Variants in PDE4B observed in about 807,000 individuals in gnomAD.
PDE4B encodes 3',5'-cyclic-AMP phosphodiesterase 4B.
In PDE4B, 20 loss-of-function variants were observed where a neutral mutation model predicts 82.2. The ratio of observed to expected loss-of-function variants is 0.24; its 90% CI spans 0.17 to 0.35. The LOEUF (loss-of-function observed/expected upper bound fraction) is 0.35, where lower values mean the gene tolerates loss of function less well. PDE4B is among the 10% of genes least tolerant of loss of function. The probability of loss-of-function intolerance (pLI) is 1.00; values close to 1 mark genes in which losing one functional copy is unlikely to be tolerated. For missense variants in PDE4B, 655 were observed against 907.2 expected (o/e 0.72, Z 3.57); for synonymous variants, 320 against 318.9 (o/e 1.00, Z -0.04).
At chr1:65,999,314 G>GA (rs533225665) in intron 3 of PDE4B, among the ~76,000 whole-genome samples, 11 of 152,066 alleles carry the variant, frequency 7.2e-5, no homozygotes, top group Non-Finnish European at 1.5e-4. Context: ...CGATTTCTTA[G>GA]AAAAAAATCT....
chr1:66,257,338 C>T (rs368206376), intron 4 of PDE4B: 54 of 447,372 alleles, frequency 1.2e-4, no homozygotes, highest in Non-Finnish European at 2.1e-4. Flanking sequence ...ATCCACAAGT[C>T]GCTTTGAATT....
intron 3 of PDE4B, among the ~76,000 whole-genome samples, chr1:66,018,318 G>A (rs574454246): frequency 5.4e-4 from 82 of 152,294 alleles, no homozygotes; most frequent in African/African-American, 1.9e-3. Flanking sequence ...TAGTCGGGAG[G>A]CTGAGGTAGG....
intron 6 of PDE4B, among the ~76,000 whole-genome samples, chr1:66,265,068 A>G (rs927823529): frequency 6.6e-6 from 1 of 152,224 alleles, no homozygotes; most frequent in Non-Finnish European, 1.5e-5. Flanking sequence ...CCTTAATGCC[A>G]GTGTTTCTGA....
intron 3 of PDE4B, among the ~76,000 whole-genome samples, chr1:66,006,069 C>T (rs1055443508): frequency 3.3e-5 from 5 of 152,094 alleles, no homozygotes; most frequent in Admixed American, 6.6e-5. Flanking sequence ...AAGTTTTATG[C>T]GTATCAGATT....
In PDE4B at chr1:66,334,186, C is replaced by T. The variant is rs149420309; in HGVS notation, c.747+1566C>T. ...TATGGGGTAGTTTTTCAACAGCTTT[C>T]ACCATAGAGAACATGGCAAACTTCA... On this transcript the variant is annotated intron_variant, in intron 8 of 16. Transcript: ENST00000341517. Among the ~76,000 whole-genome samples the T allele has an allele frequency of 2.6e-4, 39 of 152,268 alleles. No homozygotes were observed. In the East Asian group the frequency reaches 6.4e-3, roughly 25 times the overall value.
intron 3 of PDE4B, among the ~76,000 whole-genome samples, chr1:66,009,884 A>G (rs1652373390): frequency 6.6e-6 from 1 of 150,492 alleles, no homozygotes; most frequent in Non-Finnish European, 1.5e-5. Context: ...CATCTATTTC[A>G]TATCCATATG....
At chr1:66,083,564 G>A (rs193250577) in intron 3 of PDE4B, among the ~76,000 whole-genome samples, 57 of 152,204 alleles carry the variant, frequency 3.7e-4, no homozygotes, top group Middle Eastern at 6.8e-3. Flanking sequence ...TATTCTGAGA[G>A]GGTCAGGAAT....
intron 3 of PDE4B, among the ~76,000 whole-genome samples, chr1:66,018,839 C>T (rs993121274): frequency 2.0e-5 from 3 of 152,064 alleles, no homozygotes; most frequent in African/African-American, 7.2e-5. Context: ...GCAGATAATA[C>T]GTGTGTATTA....
At chr1:65,840,111 T>C (rs1646189942) in intron 1 of PDE4B, among the ~76,000 whole-genome samples, 2 of 152,188 alleles carry the variant, frequency 1.3e-5, no homozygotes, top group South Asian at 2.1e-4. Flanking sequence ...GAAAACTATA[T>C]TGTGGCATCT....
intron 3 of PDE4B, among the ~76,000 whole-genome samples, chr1:65,963,599 C>T (rs575499485): frequency 6.6e-6 from 1 of 152,300 alleles, no homozygotes; most frequent in Non-Finnish European, 1.5e-5. Context: ...AGCTTATCAT[C>T]CCCTGTCAAG....
At chr1:66,124,090 T>C (rs1311716358) in intron 3 of PDE4B, among the ~76,000 whole-genome samples, 1 of 152,226 alleles carries the variant, frequency 6.6e-6, no homozygotes. Flanking sequence ...TGTGGTGCCA[T>C]TAAGCATTTA....
At chr1:66,277,214 C>A (rs1158767204) in intron 7 of PDE4B, among the ~76,000 whole-genome samples, 1 of 151,940 alleles carries the variant, frequency 6.6e-6, no homozygotes, top group African/African-American at 2.4e-5. Flanking sequence ...GCACTTTGAA[C>A]AACAGTAAGG....
intron 6 of PDE4B, among the ~76,000 whole-genome samples, chr1:66,262,155 AT>A: frequency 6.6e-6 from 1 of 152,222 alleles, no homozygotes; most frequent in Non-Finnish European, 1.5e-5. Context: ...TCTATCCAAA[AT>A]GTCTTTTATT....
intron 3 of PDE4B, among the ~76,000 whole-genome samples, chr1:66,146,564 A>G (rs1006254838): frequency 1.3e-5 from 2 of 152,066 alleles, no homozygotes; most frequent in African/African-American, 2.4e-5. Flanking sequence ...ACTGTTGCAC[A>G]ACTCCACTGT....
chr1:66,260,523 G>T (rs2101713057), intron 6 of PDE4B, among the ~76,000 whole-genome samples: 1 of 152,322 alleles, frequency 6.6e-6, no homozygotes, highest in African/African-American at 2.4e-5. Context: ...TGGGGAGGAA[G>T]GGATTAATAT....
intron 7 of PDE4B, among the ~76,000 whole-genome samples, chr1:66,297,520 A>G (rs930018941): frequency 5.3e-5 from 8 of 152,186 alleles, no homozygotes; most frequent in Non-Finnish European, 1.0e-4. Flanking sequence ...TCTATGGCAT[A>G]TTGAAACAGT....
At chr1:66,158,173 C>T (rs1646538072) in intron 3 of PDE4B, among the ~76,000 whole-genome samples, 1 of 152,008 alleles carries the variant, frequency 6.6e-6, no homozygotes, top group Admixed American at 6.6e-5. Context: ...AACTTTTGAC[C>T]CAGTGAAACT....
At chr1:65,819,499 G>GT (rs11438074) in intron 1 of PDE4B, among the ~76,000 whole-genome samples, 103,638 of 145,292 alleles carry the variant, frequency 0.71, 38,076 homozygotes, top group Non-Finnish European at 0.81. Flanking sequence ...GTTTGTTTTT[G>GT]TTTTGTTTTT....
intron 7 of PDE4B, among the ~76,000 whole-genome samples, chr1:66,306,198 G>A (rs1458421644): frequency 6.6e-6 from 1 of 152,030 alleles, no homozygotes; most frequent in Non-Finnish European, 1.5e-5. Flanking sequence ...GTTAGACCTG[G>A]GTTTTCACAA....
Sources: gnomAD v4.1 joint callset for allele counts (sites outside exome capture counted in the v4.1 genomes callset) on GRCh38, gnomAD v4.1.1 for gene constraint, MANE v1.5 for transcripts, NCBI Gene and HGNC (gene_info 2026-07-23, HGNC 2026-07-21) for gene names.